Variants in FAM163A observed in about 807,000 individuals in gnomAD.
The protein encoded by FAM163A is protein FAM163A.
FAM163A carries 7 observed loss-of-function variants against 12.0 expected under a neutral mutation model. The ratio of observed to expected loss-of-function variants is 0.58; its 90% CI spans 0.33 to 1.10. The LOEUF is 1.10. Among genes scored for constraint, FAM163A ranks in the 50% least tolerant of loss-of-function variants. The pLI is 0.03. For synonymous variants in FAM163A, 101 were observed against 91.0 expected (o/e 1.11, Z -0.62); for missense variants, 202 against 218.6 (o/e 0.92, Z 0.48).
chr1:179,771,550 C>T (rs374530489), intron 1 of FAM163A, among the ~76,000 whole-genome samples: 1 of 152,190 alleles, frequency 6.6e-6, no homozygotes, highest in Admixed American at 6.5e-5. Flanking sequence ...TTTCTTGTAT[C>T]TTTGGTCTGT....
chr1:179,771,062 G>A (rs2148114849), intron 1 of FAM163A, among the ~76,000 whole-genome samples: 1 of 152,126 alleles, frequency 6.6e-6, no homozygotes, highest in South Asian at 2.1e-4. Context: ...TGCTGACAGG[G>A]CCTGCTTTTT....
chr1:179,741,174 A>C (rs1337506599), upstream of FAM163A, among the ~76,000 whole-genome samples: 2 of 152,238 alleles, frequency 1.3e-5, no homozygotes, highest in Non-Finnish European at 2.9e-5. Flanking sequence ...GCCTATAAAC[A>C]TATGTAGAAG....
Position 179,814,221 on chromosome 1 carries a change from C to A in FAM163A, c.*32C>A. The A allele has an allele frequency of 6.4e-7, 1 of 1,562,820 alleles. No homozygotes were observed. Among genetic ancestry groups the A allele is most frequent in the Non-Finnish European group, 8.7e-7 (1 of 1,152,050 alleles). Reference sequence around the variant, plus strand: ...CCACCCCGACCCGCACACACACCCACACTGCTGCCCTGGCGGGGGCCATGG... The same window carrying A: ...CCACCCCGACCCGCACACACACCCAAACTGCTGCCCTGGCGGGGGCCATGG... On this transcript the variant is annotated 3_prime_UTR_variant, in exon 5 of 5. Coordinates refer to ENST00000341785, the MANE Select transcript of FAM163A (RefSeq NM_173509.3).
chr1:179,752,565 A>C (rs1479402465), intron 1 of FAM163A, among the ~76,000 whole-genome samples: 1 of 152,146 alleles, frequency 6.6e-6, no homozygotes, highest in East Asian at 1.9e-4. Flanking sequence ...ATCAGGGGTT[A>C]ATTTCCAAAA....
chr1:179,795,980 T>TATTATTATTATTATTATTA (rs1553226055), intron 1 of FAM163A, among the ~76,000 whole-genome samples: 3 of 150,678 alleles, frequency 2.0e-5, no homozygotes, highest in South Asian at 4.2e-4. Flanking sequence ...TTATTATTAT[T>TATTATTATTATTATTATTA]TTACAACTGT....
At chr1:179,808,565 A>G (rs371391704) in intron 2 of FAM163A, among the ~76,000 whole-genome samples, 47 of 152,376 alleles carry the variant, frequency 3.1e-4, no homozygotes, top group African/African-American at 1.1e-3. Flanking sequence ...TTCTTCCCCA[A>G]CATGGCAACT....
At chr1:179,766,234 T>C (rs1306736461) in intron 1 of FAM163A, among the ~76,000 whole-genome samples, 1 of 152,178 alleles carries the variant, frequency 6.6e-6, no homozygotes, top group African/African-American at 2.4e-5. Context: ...AAGCCAACTA[T>C]GAAACCTAAA....
chr1:179,740,140 T>C (rs1197714820), upstream of FAM163A, among the ~76,000 whole-genome samples: 1 of 151,730 alleles, frequency 6.6e-6, no homozygotes, highest in African/African-American at 2.4e-5. Context: ...TGTAAACCTG[T>C]AAACAAATGT....
At chr1:179,742,770 C>G (rs1683817842), upstream of FAM163A, 1 of 152,380 alleles carries the variant, frequency 6.6e-6, no homozygotes, top group Non-Finnish European at 1.5e-5. Context: ...TCCTGCCAGA[C>G]TTCACCGTCA....
intron 1 of FAM163A, among the ~76,000 whole-genome samples, chr1:179,801,998 G>T (rs1050684973): frequency 5.3e-5 from 8 of 152,220 alleles, no homozygotes; most frequent in African/African-American, 1.9e-4. Flanking sequence ...AAAATGTGCA[G>T]CATTTAGTCA....
At chr1:179,783,060 T>C (rs1690019057) in intron 1 of FAM163A, among the ~76,000 whole-genome samples, 2 of 149,236 alleles carry the variant, frequency 1.3e-5, no homozygotes, top group Non-Finnish European at 3.0e-5. Context: ...AACCCAGAGA[T>C]AGAGGTTGCA....
intron 1 of FAM163A, among the ~76,000 whole-genome samples, chr1:179,802,218 T>C (rs1284574381): frequency 3.3e-5 from 5 of 152,252 alleles, no homozygotes; most frequent in Non-Finnish European, 7.3e-5. Flanking sequence ...GCAGCCATAA[T>C]GTGTATTCAT....
At chr1:179,800,854 A>G (rs886778773) in intron 1 of FAM163A, among the ~76,000 whole-genome samples, 3 of 152,206 alleles carry the variant, frequency 2.0e-5, no homozygotes, top group African/African-American at 7.2e-5. Flanking sequence ...CAGCCCATCA[A>G]GGATGGAACG....
intron 1 of FAM163A, among the ~76,000 whole-genome samples, chr1:179,795,327 T>C (rs1295755516): frequency 6.6e-6 from 1 of 152,192 alleles, no homozygotes; most frequent in East Asian, 1.9e-4. Context: ...GGCTTGAATG[T>C]GTCCCCCAAA....
At chr1:179,740,112 T>C (rs567273881), upstream of FAM163A, among the ~76,000 whole-genome samples, 37 of 152,340 alleles carry the variant, frequency 2.4e-4, no homozygotes, top group South Asian at 5.0e-3. Context: ...CCCAGAGATA[T>C]GAAAATGTAT....
rs117176440 is a variant in FAM163A at position 179,806,531 on chromosome 1, A to G, written c.-135-1267A>G. 1.1e-4 allele frequency among the ~76,000 whole-genome samples: 17 copies of G among 152,346 alleles called. No homozygotes were observed. In the East Asian group the frequency reaches 3.1e-3, roughly 28 times the overall value. On this transcript the variant is annotated intron_variant, in intron 1 of 4. Transcript: ENST00000341785. ...AGAGCTGCTGGGCTCAGACAGCCCC[A>G]GTCCGTGAGGCATCATGCTAATGTC...
intron 1 of FAM163A, among the ~76,000 whole-genome samples, chr1:179,766,424 A>G (rs533634510): frequency 1.3e-5 from 2 of 152,246 alleles, no homozygotes; most frequent in African/African-American, 4.8e-5. Context: ...GGGTTTCCCC[A>G]CTCAGTCTAT....
chr1:179,812,513 C>CA (rs1441838140), intron 3 of FAM163A, among the ~76,000 whole-genome samples: 20 of 152,334 alleles, frequency 1.3e-4, no homozygotes, highest in African/African-American at 4.3e-4. Context: ...CTTTCCCCGC[C>CA]AGCCCGGGCC....
chr1:179,739,551 C>T (rs1395106762), upstream of FAM163A, among the ~76,000 whole-genome samples: 2 of 151,874 alleles, frequency 1.3e-5, no homozygotes, highest in Non-Finnish European at 2.9e-5. Context: ...TTTTTTAGCT[C>T]ATCAGCTGTT....
Sources: allele counts gnomAD v4.1 joint callset (sites outside exome capture counted in the v4.1 genomes callset), GRCh38; gene constraint gnomAD v4.1.1; transcripts MANE v1.5; gene names NCBI Gene and HGNC (gene_info 2026-07-23, HGNC 2026-07-21).